Variants in LRP1B observed in about 807,000 individuals in gnomAD.
LRP1B encodes the protein LDL receptor related protein 1B.
LRP1B carries 217 observed loss-of-function variants against 556.6 expected under a neutral mutation model. The observed-to-expected ratio is 0.39, with a 90% CI of 0.35 to 0.44. The LOEUF is 0.44. Ranked by LOEUF, LRP1B falls within the 20% of genes least tolerant of loss-of-function variation. The pLI is 1.00. For synonymous variants in LRP1B, 2,047 were observed against 1,865.8 expected (o/e 1.10, Z -2.50); for missense variants, 5,053 against 5,620.8 (o/e 0.90, Z 3.23).
chr2:141,915,030 C>T (rs1437431838), intron 1 of LRP1B, among the ~76,000 whole-genome samples: 1 of 152,050 alleles, frequency 6.6e-6, no homozygotes, highest in Non-Finnish European at 1.5e-5. Flanking sequence ...AAAAAAGAGA[C>T]CAAATAGCCA....
intron 2 of LRP1B, among the ~76,000 whole-genome samples, chr2:141,579,717 G>A (rs1686891564): frequency 1.1e-5 from 1 of 94,240 alleles, no homozygotes; most frequent in Admixed American, 1.2e-4. Context: ...AAACATATCA[G>A]GTTTCACTTT....
At chr2:140,295,771 G>T (rs1403585561) in intron 84 of LRP1B, among the ~76,000 whole-genome samples, 1 of 148,834 alleles carries the variant, frequency 6.7e-6, no homozygotes, top group African/African-American at 2.5e-5. Flanking sequence ...AAGTGTCCTT[G>T]GGTGTAGAAA....
intron 4 of LRP1B, among the ~76,000 whole-genome samples, chr2:141,249,143 A>G (rs1684172099): frequency 6.6e-6 from 1 of 152,188 alleles, no homozygotes; most frequent in African/African-American, 2.4e-5. Flanking sequence ...AACTGTTAAT[A>G]TAGGGTGAGA....
At chr2:141,538,540 T>C (rs952977833) in intron 2 of LRP1B, among the ~76,000 whole-genome samples, 4 of 152,062 alleles carry the variant, frequency 2.6e-5, no homozygotes, top group African/African-American at 9.7e-5. Context: ...AAACCCTGAA[T>C]ACAGATGGGC....
rs115842047 is a variant in LRP1B at position 140,263,470 on chromosome 2, G to C, written c.13247+6772C>G. Among the ~76,000 whole-genome samples the C allele has an allele frequency of 2.9e-3, 439 of 152,150 alleles. 3 individuals carry two copies. Among genetic ancestry groups the C allele is most frequent in the African/African-American group, 9.9e-3 (410 of 41,526 alleles). ...TTTTCTACTTATTTTTCAACATGGC[G>C]AGGCTGAGAATTTTCCAAATCTTCA... On this transcript the variant is annotated intron_variant, in intron 86 of 90. Transcript: ENST00000389484.
At chr2:141,271,373 A>T (rs1113690) in intron 3 of LRP1B, among the ~76,000 whole-genome samples, 41,728 of 151,352 alleles carry the variant, frequency 0.28, 6,259 homozygotes, top group Middle Eastern at 0.44. Context: ...ATTTGATTTT[A>T]AAAAAATCAA....
intron 72 of LRP1B, among the ~76,000 whole-genome samples, chr2:140,359,373 A>C (rs2105139843): frequency 6.6e-6 from 1 of 151,834 alleles, no homozygotes; most frequent in Admixed American, 6.6e-5. Flanking sequence ...GAAAACAAAC[A>C]AAAATCCCAA....
intron 77 of LRP1B, among the ~76,000 whole-genome samples, chr2:140,346,746 CAT>C (rs1247103156): frequency 4.0e-5 from 6 of 151,850 alleles, no homozygotes; most frequent in African/African-American, 9.7e-5. Context: ...GATACAGACT[CAT>C]ATATTGGGTA....
At chr2:141,764,361 T>C (rs540106421) in intron 2 of LRP1B, among the ~76,000 whole-genome samples, 1 of 152,244 alleles carries the variant, frequency 6.6e-6, no homozygotes, top group African/African-American at 2.4e-5. Flanking sequence ...TTGTATTTTG[T>C]TTAGTAGAGA....
chr2:140,476,534 A>G (rs554576082), intron 59 of LRP1B, among the ~76,000 whole-genome samples: 3 of 152,170 alleles, frequency 2.0e-5, no homozygotes, highest in African/African-American at 7.2e-5. Context: ...TAAAAAGGAA[A>G]GAGTTTTCAG....
intron 20 of LRP1B, among the ~76,000 whole-genome samples, chr2:140,949,225 T>C (rs1695632789): frequency 1.3e-5 from 2 of 152,226 alleles, no homozygotes; most frequent in African/African-American, 4.8e-5. Context: ...AATAAATATT[T>C]GTGAGATAAA....
intron 18 of LRP1B, among the ~76,000 whole-genome samples, chr2:140,963,007 A>G (rs1054483187): frequency 5.3e-5 from 8 of 152,174 alleles, no homozygotes; most frequent in African/African-American, 1.9e-4. Context: ...TTTAGACCTT[A>G]CATATGCTGT....
intron 43 of LRP1B, among the ~76,000 whole-genome samples, chr2:140,579,790 C>T (rs1022131963): frequency 2.0e-5 from 3 of 152,098 alleles, no homozygotes; most frequent in East Asian, 1.9e-4. Flanking sequence ...TGCAGTGAAC[C>T]GAGATCGCGC....
intron 1 of LRP1B, among the ~76,000 whole-genome samples, chr2:141,994,920 C>T (rs948546448): frequency 2.0e-5 from 3 of 151,930 alleles, no homozygotes; most frequent in Non-Finnish European, 4.4e-5. Context: ...TACCTGTGAG[C>T]GGTATGAAAG....
At chr2:140,652,571 C>T (rs1684726167) in intron 41 of LRP1B, among the ~76,000 whole-genome samples, 1 of 152,014 alleles carries the variant, frequency 6.6e-6, no homozygotes, top group South Asian at 2.1e-4. Context: ...ACACTGACTT[C>T]ACACCCCTCT....
intron 1 of LRP1B, among the ~76,000 whole-genome samples, chr2:141,944,449 T>C (rs930566026): frequency 2.0e-5 from 3 of 152,164 alleles, no homozygotes; most frequent in Non-Finnish European, 4.4e-5. Flanking sequence ...AGTTAGTGTG[T>C]GGACCTTGCT....
intron 2 of LRP1B, among the ~76,000 whole-genome samples, chr2:141,763,108 C>T (rs546481129): frequency 2.8e-4 from 43 of 152,024 alleles, no homozygotes; most frequent in South Asian, 1.2e-3. Context: ...AGAACAAAAC[C>T]GATAATAGGA....
At chr2:140,727,660 G>T (rs1030778237) in intron 35 of LRP1B, among the ~76,000 whole-genome samples, 1 of 152,096 alleles carries the variant, frequency 6.6e-6, no homozygotes. Flanking sequence ...AGCAGGAGGG[G>T]ACAACAAAAT....
intron 2 of LRP1B, among the ~76,000 whole-genome samples, chr2:141,526,171 T>C (rs970236904): frequency 6.6e-6 from 1 of 152,040 alleles, no homozygotes; most frequent in Non-Finnish European, 1.5e-5. Flanking sequence ...GTTTTACCTA[T>C]GACAATAGTT....
Sources: gnomAD v4.1 joint callset for allele counts (sites outside exome capture counted in the v4.1 genomes callset) on GRCh38, gnomAD v4.1.1 for gene constraint, MANE v1.5 for transcripts, NCBI Gene and HGNC (gene_info 2026-07-23, HGNC 2026-07-21) for gene names.